The following OCIAD1 variants were observed in gnomAD, a reference collection of about 807,000 sequenced individuals.
OCIAD1 encodes OCIA domain containing 1.
In OCIAD1, 29 loss-of-function variants were observed where a neutral mutation model predicts 38.9. That is an observed-to-expected ratio of 0.74 (90% CI 0.55 to 1.02). The LOEUF is 1.02. Ranked by LOEUF, OCIAD1 falls within the 50% of genes least tolerant of loss-of-function variation. The probability of loss-of-function intolerance (pLI) is 0.00; values close to 1 mark genes in which losing one functional copy is unlikely to be tolerated. For missense variants in OCIAD1, 288 were observed against 289.6 expected (o/e 0.99, Z 0.04); for synonymous variants, 110 against 92.0 (o/e 1.20, Z -1.12).
At chr4:48,832,946 A>G (rs536713995) in intron 2 of OCIAD1, among the ~76,000 whole-genome samples, 1 of 151,996 alleles carries the variant, frequency 6.6e-6, no homozygotes, top group Non-Finnish European at 1.5e-5. Flanking sequence ...TTTGAAGTCA[A>G]AGTTTGTTGA....
intron 4 of OCIAD1, among the ~76,000 whole-genome samples, chr4:48,847,840 G>A (rs1232845068): frequency 1.3e-5 from 2 of 152,068 alleles, no homozygotes; most frequent in African/African-American, 4.8e-5. Context: ...GTGTTGCCTT[G>A]GCCCTTTGTG....
rs754424807 is a variant in OCIAD1 at position 48,850,019 on chromosome 4, T to A, written c.314T>A (p.Leu105His). Residue 105 changes from leucine to histidine, a missense_variant, in exon 6 of 9, where the codon CTT (leucine) becomes CAT (histidine). Coordinates refer to ENST00000264312, the MANE Select transcript of OCIAD1 (RefSeq NM_017830.4). ...ACTTGCCAAGAGAAATTCAAGAAAC[T>A]TGAAAATTCCCCCCTTGGAGAAGCT... ...VKTCQEKFKK[L>H]ENSPLGEALR... is the part of the protein sequence containing the mutation. 1.2e-6 allele frequency: 2 copies of A among 1,613,560 alleles called. No individual in the cohort carries two copies. The highest frequency in any genetic ancestry group is 1.7e-6 in the Non-Finnish European group (2 of 1,179,840).
At chr4:48,805,905 T>C (rs1777019508) in intron 1 of OCIAD1, among the ~76,000 whole-genome samples, 1 of 152,236 alleles carries the variant, frequency 6.6e-6, no homozygotes, top group Non-Finnish European at 1.5e-5. Flanking sequence ...TTTTCTAAAA[T>C]TAAAGCCATC....
chr4:48,859,456 G>A (rs925904459), intron 8 of OCIAD1, among the ~76,000 whole-genome samples: 10 of 152,108 alleles, frequency 6.6e-5, no homozygotes, highest in African/African-American at 2.4e-4. Flanking sequence ...GCATAGCATA[G>A]TACTTTACAC....
In OCIAD1 at chr4:48,842,679, A is replaced by G; in HGVS notation, c.183A>G (p.Leu61=). 6.5e-6 allele frequency: 10 copies of G among 1,544,494 alleles called. No homozygotes were observed. Among genetic ancestry groups the G allele is most frequent in the Non-Finnish European group, 8.8e-6 (10 of 1,136,810 alleles). Residue 61 remains leucine (L), a synonymous_variant, in exon 4 of 9, where the codon TTA becomes TTG. Transcript: ENST00000264312. The part of the protein sequence containing the change: ...AATSMLITQG[L]ISKGILSSHP... The stretch of plus-strand genomic sequence containing the variant: ...CAAGTATGTTGATTACTCAAGGATT[A>G]ATTAGTAAAGGTAAATATTTAAAAT...
At chr4:48,811,401 C>G (rs557415455) in intron 1 of OCIAD1, among the ~76,000 whole-genome samples, 1 of 152,330 alleles carries the variant, frequency 6.6e-6, no homozygotes, top group East Asian at 1.9e-4. Context: ...GGAGGCCCTG[C>G]AGTCTTTCTC....
At chr4:48,822,283 A>G (rs1432794849) in intron 1 of OCIAD1, among the ~76,000 whole-genome samples, 4 of 152,240 alleles carry the variant, frequency 2.6e-5, no homozygotes. Flanking sequence ...GACAAAAACA[A>G]ACAATGGGGA....
intron 1 of OCIAD1, among the ~76,000 whole-genome samples, chr4:48,816,536 G>GAAAAA (rs34578790): frequency 7.5e-6 from 1 of 132,870 alleles, no homozygotes; most frequent in Non-Finnish European, 1.6e-5. Flanking sequence ...CGTCTAAAAG[G>GAAAAA]AAAAAAAAAA....
intron 4 of OCIAD1, among the ~76,000 whole-genome samples, chr4:48,846,134 C>T (rs1323266625): frequency 6.6e-6 from 1 of 152,038 alleles, no homozygotes; most frequent in Admixed American, 6.6e-5. Flanking sequence ...GTATGTAGTA[C>T]CTTTATGTTG....
upstream of OCIAD1, chr4:48,831,012 G>A (rs1218102185): frequency 1.7e-5 from 3 of 178,024 alleles, no homozygotes; most frequent in East Asian, 3.0e-4. Context: ...CTAGGCTGCT[G>A]GCTCTCAGAC....
chr4:48,847,913 G>C (rs1779107576), intron 4 of OCIAD1, among the ~76,000 whole-genome samples: 1 of 152,104 alleles, frequency 6.6e-6, no homozygotes, highest in Admixed American at 6.5e-5. Context: ...AATTGGGATT[G>C]CATTGTATTT....
At chr4:48,812,964 A>G (rs1424771266) in intron 1 of OCIAD1, among the ~76,000 whole-genome samples, 1 of 152,122 alleles carries the variant, frequency 6.6e-6, no homozygotes, top group African/African-American at 2.4e-5. Flanking sequence ...TAGGTGAGAG[A>G]GGATGGAATC....
intron 1 of OCIAD1, among the ~76,000 whole-genome samples, chr4:48,820,388 A>T (rs1420515753): frequency 6.6e-6 from 1 of 152,228 alleles, no homozygotes; most frequent in Admixed American, 6.5e-5. Context: ...AATCTCTGGG[A>T]CACAGCTAAA....
intron 1 of OCIAD1, among the ~76,000 whole-genome samples, chr4:48,815,250 T>C (rs1448258727): frequency 6.6e-6 from 1 of 151,888 alleles, no homozygotes; most frequent in African/African-American, 2.4e-5. Flanking sequence ...AAGGCGGAGG[T>C]TGCAGTGATC....
At chr4:48,852,109 G>A in intron 7 of OCIAD1, 134 bp downstream of exon 7, 1 of 652,640 alleles carries the variant, frequency 1.5e-6, no homozygotes, top group East Asian at 2.9e-5. Context: ...CAGCATGTTT[G>A]TTCATTTGTT....
chr4:48,813,949 G>A (rs1433973562), intron 1 of OCIAD1, among the ~76,000 whole-genome samples: 3 of 152,056 alleles, frequency 2.0e-5, no homozygotes, highest in Non-Finnish European at 4.4e-5. Context: ...CACTTTCTTA[G>A]AAGTTACTAT....
intron 1 of OCIAD1, among the ~76,000 whole-genome samples, chr4:48,813,301 A>AAAACAGGT (rs1431717671): frequency 9.2e-5 from 14 of 152,342 alleles, no homozygotes; most frequent in African/African-American, 3.4e-4. Context: ...TATTGTGGGC[A>AAAACAGGT]AAACAGGTAA....
At chr4:48,812,094 C>G (rs1462838538) in intron 1 of OCIAD1, among the ~76,000 whole-genome samples, 1 of 150,986 alleles carries the variant, frequency 6.6e-6, no homozygotes, top group Non-Finnish European at 1.5e-5. Context: ...ACCAGCCTGG[C>G]CAAGGGTGAA....
chr4:48,823,824 C>CTTTTTTTTTTTT (rs71660459), intron 1 of OCIAD1, among the ~76,000 whole-genome samples: 8 of 70,128 alleles, frequency 1.1e-4, no homozygotes, highest in Admixed American at 2.4e-4. Context: ...CAATGCCTGG[C>CTTTTTTTTTTTT]TTTTTTTTTT....
Sources: gnomAD v4.1 joint callset for allele counts (sites outside exome capture counted in the v4.1 genomes callset) on GRCh38, gnomAD v4.1.1 for gene constraint, MANE v1.5 for transcripts, NCBI Gene and HGNC (gene_info 2026-07-23, HGNC 2026-07-21) for gene names.